Variants in ABCC11 observed in about 807,000 individuals in gnomAD.
The protein encoded by ABCC11 is ATP-binding cassette sub-family C member 11.
ABCC11 carries 135 observed loss-of-function variants against 149.3 expected under a neutral mutation model. The observed-to-expected ratio is 0.90, with a 90% CI of 0.79 to 1.04. The LOEUF is 1.04. Among genes scored for constraint, ABCC11 ranks in the 50% least tolerant of loss-of-function variants. The probability of loss-of-function intolerance (pLI) is 0.00; values close to 1 mark genes in which losing one functional copy is unlikely to be tolerated. For synonymous variants in ABCC11, 665 were observed against 671.4 expected (o/e 0.99, Z 0.15); for missense variants, 1,680 against 1,722.1 (o/e 0.98, Z 0.43).
intron 20 of ABCC11, among the ~76,000 whole-genome samples, chr16:48,190,993 T>C (rs1234598018): frequency 6.6e-6 from 1 of 152,124 alleles, no homozygotes; most frequent in Non-Finnish European, 1.5e-5. Flanking sequence ...AGATCAGTGG[T>C]TGCTGGGAGT....
intron 23 of ABCC11, among the ~76,000 whole-genome samples, chr16:48,182,644 A>G (rs969673792): frequency 6.6e-5 from 10 of 152,006 alleles, no homozygotes; most frequent in Non-Finnish European, 1.3e-4. Flanking sequence ...TTAGCTGGGC[A>G]TGGTGGCGGG....
intron 24 of ABCC11, 82 bp downstream of exon 24, chr16:48,178,515 G>A: frequency 7.4e-7 from 1 of 1,346,440 alleles, no homozygotes; most frequent in Non-Finnish European, 1.1e-6. Context: ...AGGGCTCTGA[G>A]GCCAGTGGGG....
intron 3 of ABCC11, among the ~76,000 whole-genome samples, 154 bp downstream of exon 3, chr16:48,230,283 G>A (rs889106095): frequency 2.6e-5 from 4 of 152,204 alleles, no homozygotes; most frequent in Admixed American, 2.6e-4. Flanking sequence ...TGGCTATGAC[G>A]ATGTGCCTCC....
At chr16:48,199,526 G>C (rs1412392838) in intron 15 of ABCC11, among the ~76,000 whole-genome samples, 1 of 152,086 alleles carries the variant, frequency 6.6e-6, no homozygotes, top group Admixed American at 6.6e-5. Context: ...AATGACCCAG[G>C]AGAAGCACCA....
chr16:48,219,345 A>G (rs1428637380), intron 6 of ABCC11, among the ~76,000 whole-genome samples: 1 of 152,002 alleles, frequency 6.6e-6, no homozygotes, highest in Non-Finnish European at 1.5e-5. Flanking sequence ...AACTTTTTGC[A>G]TTTTTGGTAG....
rs940739382 is a variant in ABCC11, at chr16:48,229,453, CT to C, written c.236+983del. On this transcript the variant is annotated intron_variant, in intron 3 of 29. Transcript: ENST00000356608. ...TTACTCCCATAACCAAGGCTGGTAA[CT>C]TTTTTTTTTTTTTTTTTTTTTGAGA... 6.5e-3 allele frequency among the ~76,000 whole-genome samples: 771 copies of C among 119,064 alleles called. 2 individuals carry two copies. The highest frequency in any genetic ancestry group is 0.032 in the Middle Eastern group (6 of 190). The allele number at this position is 119,064 out of a possible 152,430, so 78.1% of individuals were successfully genotyped here.
At chr16:48,244,290 G>T (rs1036428912) in intron 1 of ABCC11, 44 of 812,812 alleles carry the variant, frequency 5.4e-5, no homozygotes, top group South Asian at 2.8e-4. Flanking sequence ...GGAAGCGGAG[G>T]CGTGGAGGCG....
At chr16:48,188,973 C>T (rs773328020) in intron 20 of ABCC11, among the ~76,000 whole-genome samples, 1 of 152,234 alleles carries the variant, frequency 6.6e-6, no homozygotes, top group Non-Finnish European at 1.5e-5. Flanking sequence ...TGTAGCTGCT[C>T]TCATCGCAAA....
At chr16:48,242,132 T>G (rs1488267303) in intron 1 of ABCC11, among the ~76,000 whole-genome samples, 1 of 152,180 alleles carries the variant, frequency 6.6e-6, no homozygotes, top group Non-Finnish European at 1.5e-5. Flanking sequence ...AAGAAAATTT[T>G]TACAATCTAC....
At position 48,186,541 on chromosome 16, in the gene ABCC11, T is replaced by C. The variant is rs1289164650; in HGVS notation, c.3071+412A>G. Among the ~76,000 whole-genome samples the C allele has an allele frequency of 2.6e-5, 4 of 152,194 alleles. No individual in the cohort carries two copies. The East Asian group carries it at 5.8e-4, about 22-fold the overall frequency. The stretch of plus-strand genomic sequence containing the variant: ...TTTGTTTCAACATTTAGGGGGCAAA[T>C]CTATGGCATGAGTAGTGAAGGAAGT... On this transcript the variant is annotated intron_variant, in intron 22 of 29. Transcript: ENST00000356608.
intron 1 of ABCC11, among the ~76,000 whole-genome samples, chr16:48,245,007 C>T (rs770933225): frequency 6.6e-6 from 1 of 152,146 alleles, no homozygotes; most frequent in Non-Finnish European, 1.5e-5. Context: ...CGCTTTTCAC[C>T]TTTCTCCCCA....
rs990532119 is a variant in ABCC11, at chr16:48,170,057, A to T, written c.3891+48T>A. 3 of 1,522,670 alleles carry T rather than the reference A, an allele frequency of 2.0e-6. No individual in the cohort carries two copies. The African/African-American group carries it at 4.1e-5, about 21-fold the overall frequency. 94.3% of individuals were successfully genotyped at this position (1,522,670 alleles called of 1,614,324 possible). ...GGGAGCCGGTGTGGCTTCCCTCATCATGCGTAGTCTGTGGCTTCCCCTGGC... is the reference window on the plus strand; with the variant it reads ...GGGAGCCGGTGTGGCTTCCCTCATCTTGCGTAGTCTGTGGCTTCCCCTGGC... On this transcript the variant is annotated intron_variant, in intron 28 of 29. Coordinates refer to ENST00000356608, the MANE Select transcript of ABCC11 (RefSeq NM_001370497.1).
At chr16:48,181,177 C>T (rs1181274173) in intron 23 of ABCC11, among the ~76,000 whole-genome samples, 1 of 152,182 alleles carries the variant, frequency 6.6e-6, no homozygotes, top group Admixed American at 6.5e-5. Context: ...CTTAGTGATT[C>T]CGAATCCCCT....
In ABCC11 at chr16:48,168,449, G is replaced by A. The variant is rs146141826; in HGVS notation, c.3892-789C>T. ...TCTTTTCCCACAGCTCTGACAGTTT[G>A]CACCAACAGTTTTTGCATTTATCAT... is the stretch of plus-strand genomic sequence containing the variant. On this transcript the variant is annotated intron_variant, in intron 28 of 29. Transcript: ENST00000356608. Among the ~76,000 whole-genome samples the A allele has an allele frequency of 2.5e-3, 374 of 152,240 alleles. 4 individuals carry two copies. Among genetic ancestry groups the A allele is most frequent in the African/African-American group, 8.8e-3 (365 of 41,550 alleles).
At chr16:48,184,170 G>A (rs1225599882) in intron 23 of ABCC11, among the ~76,000 whole-genome samples, 1 of 152,148 alleles carries the variant, frequency 6.6e-6, no homozygotes, top group Non-Finnish European at 1.5e-5. Flanking sequence ...TATGCACACT[G>A]GACTCTGTCA....
intron 1 of ABCC11, among the ~76,000 whole-genome samples, chr16:48,242,894 C>G (rs1327390212): frequency 2.0e-5 from 3 of 147,936 alleles, no homozygotes; most frequent in Admixed American, 6.8e-5. Context: ...AGGGGCCTGT[C>G]GTTGGGTGGT....
chr16:48,170,597 C>T (rs944090443), intron 27 of ABCC11, among the ~76,000 whole-genome samples: 1 of 152,180 alleles, frequency 6.6e-6, no homozygotes, highest in Non-Finnish European at 1.5e-5. Flanking sequence ...GTATCTCCTG[C>T]ATTTACTTGT....
chr16:48,213,357 G>T, intron 10 of ABCC11, 86 bp downstream of exon 10: 1 of 1,205,466 alleles, frequency 8.3e-7, no homozygotes, highest in Admixed American at 2.1e-5. Flanking sequence ...CTTGGCCAGG[G>T]GACGTGTTCT....
At position 48,187,315 on chromosome 16, in the gene ABCC11, T is replaced by C; in HGVS notation, c.2819A>G (p.Gln940Arg). 1 of 1,614,112 alleles carries C rather than the reference T, an allele frequency of 6.2e-7. No homozygotes were observed. The highest frequency in any genetic ancestry group is 2.2e-5 in the East Asian group (1 of 44,902). Residue 940 changes from glutamine to arginine, a missense_variant, in exon 21 of 30, where the codon CAG (glutamine) becomes CGG (arginine). Coordinates refer to ENST00000356608, the MANE Select transcript of ABCC11 (RefSeq NM_001370497.1). Reference protein sequence around the residue: ...LDQLLPIFSEQFLVLSLMVIA... With the variant: ...LDQLLPIFSERFLVLSLMVIA... ...CACCATTAAGGACAGGACCAGGAAC[T>C]GCTCTGAAAAGATGGGCAAGAGCTG...
Sources: gnomAD v4.1 joint callset for allele counts (sites outside exome capture counted in the v4.1 genomes callset) on GRCh38, gnomAD v4.1.1 for gene constraint, MANE v1.5 for transcripts, NCBI Gene and HGNC (gene_info 2026-07-23, HGNC 2026-07-21) for gene names.